NSMAF: variants seen among roughly 807,000 people sequenced by gnomAD.
NSMAF encodes the protein protein FAN.
Under a neutral mutation model 134.9 loss-of-function variants are expected in NSMAF, and 90 were observed. The ratio of observed to expected loss-of-function variants is 0.67; its 90% CI spans 0.56 to 0.79. The LOEUF is 0.79. Among genes scored for constraint, NSMAF ranks in the 30% least tolerant of loss-of-function variants. The pLI, the probability that NSMAF is intolerant of heterozygous loss-of-function variation, is 0.00. For synonymous variants in NSMAF, 358 were observed against 389.6 expected (o/e 0.92, Z 0.96); for missense variants, 1,010 against 1,119.0 (o/e 0.90, Z 1.39).
rs548100428 is a variant in NSMAF at position 58,606,985 on chromosome 8, T to C, written c.759+784A>G. Among the ~76,000 whole-genome samples the C allele has an allele frequency of 5.3e-5, 8 of 152,340 alleles. No individual in the cohort carries two copies. The East Asian group carries it at 1.5e-3, about 29-fold the overall frequency. On this transcript the variant is annotated intron_variant, in intron 11 of 30. Coordinates refer to ENST00000038176, the MANE Select transcript of NSMAF (RefSeq NM_003580.4). Reference sequence around the variant, plus strand: ...AGAGGAGATTTTTAATAGTATCTGTTTCCCTGATCTGCTATTAGTGCTGGA... The same window carrying C: ...AGAGGAGATTTTTAATAGTATCTGTCTCCCTGATCTGCTATTAGTGCTGGA...
chr8:58,587,630 T>C lies in NSMAF; in HGVS notation c.2283A>G (p.Glu761=), dbSNP rs761318513. 1 of 1,614,134 alleles carries C rather than the reference T, an allele frequency of 6.2e-7. No individual in the cohort carries two copies. The highest frequency in any genetic ancestry group is 2.2e-5 in the East Asian group (1 of 44,884). Residue 761 remains glutamate, a synonymous_variant, in exon 27 of 31, where the codon GAA becomes GAG. Transcript: ENST00000038176. The part of the protein sequence containing the change: ...RHHFDLLAEL[E]HDVSVDTISL... ...TGCTGGTACTCACACTGACATCATG[T>C]TCCAGCTCGGCCAGCAAGTCAAAGT...
At chr8:58,625,230 G>T (rs148355171) in intron 6 of NSMAF, among the ~76,000 whole-genome samples, 3 of 152,300 alleles carry the variant, frequency 2.0e-5, no homozygotes, top group African/African-American at 7.2e-5. Context: ...TTCAGACTCA[G>T]ACTAAACGCT....
chr8:58,641,338 C>A (rs941753996), intron 2 of NSMAF, among the ~76,000 whole-genome samples: 2 of 152,180 alleles, frequency 1.3e-5, no homozygotes, highest in African/African-American at 4.8e-5. Flanking sequence ...GGTTCCAAAA[C>A]GAAAGTTACA....
rs965728487 is a variant in NSMAF at position 58,599,318 on chromosome 8, T to C, written c.1499A>G (p.Asn500Ser). The change falls in exon 19 of 31, where the codon AAT becomes AGT. Residue 500 changes from asparagine (N) to serine (S), a missense_variant. Asn to Ser is a conservative substitution (Grantham distance 46, BLOSUM62 1). Coordinates refer to ENST00000038176, the MANE Select transcript of NSMAF (RefSeq NM_003580.4). ...CTCGTGAAGGTGTTCAGACACATAA[T>C]TGCTTTCCAATGCATCTTTGCTCTT... Reference protein sequence around the residue: ...LQKSKDALESNYVSEHLHEWI... With the variant: ...LQKSKDALESSYVSEHLHEWI... The C allele has an allele frequency of 1.9e-6, 3 of 1,613,986 alleles. No individual in the cohort carries two copies. Among genetic ancestry groups the C allele is most frequent in the Non-Finnish European group, 2.5e-6 (3 of 1,179,964 alleles).
intron 9 of NSMAF, among the ~76,000 whole-genome samples, chr8:58,615,897 A>T (rs1322519059): frequency 6.6e-6 from 1 of 152,204 alleles, no homozygotes; most frequent in Non-Finnish European, 1.5e-5. Flanking sequence ...AGATTAATAA[A>T]ATTGGTAAGC....
Position 58,595,562 on chromosome 8 carries a change from T to G in NSMAF, c.1890A>C (p.Lys630Asn). 6.2e-7 allele frequency: 1 copy of G among 1,607,868 alleles called. No homozygotes were observed. Among genetic ancestry groups the G allele is most frequent in the Non-Finnish European group, 8.5e-7 (1 of 1,174,334 alleles). ...AGAAGAAGCAGAGATATTCTTACTCTTTGTGGATTTTATAGTGCTCGTGTA... is the reference window on the plus strand; with the variant it reads ...AGAAGAAGCAGAGATATTCTTACTCGTTGTGGATTTTATAGTGCTCGTGTA... ...LQLHEHYKIH[K>N]EAVTGITVSR... The change falls in exon 22 of 31, where the codon AAA (lysine) becomes AAC (asparagine). Residue 630 changes from lysine (K) to asparagine (N), a missense_variant and splice_region_variant. By Grantham distance (94) the Lys-to-Asn change is moderately conservative (BLOSUM62 0). Transcript: ENST00000038176.
chr8:58,593,149 C>T (rs768747412), intron 23 of NSMAF, among the ~76,000 whole-genome samples: 2 of 152,186 alleles, frequency 1.3e-5, no homozygotes, highest in African/African-American at 4.8e-5. Context: ...TTTTGGCAAA[C>T]TCCACAGGTA....
chr8:58,606,070 G>T (rs1354974113), intron 11 of NSMAF, 35 bp from the exon 12 acceptor site: 2 of 867,480 alleles, frequency 2.3e-6, no homozygotes, highest in East Asian at 3.9e-5. Flanking sequence ...AAAATAAATA[G>T]CATTGTATTC....
At position 58,623,790 on chromosome 8, in the gene NSMAF, A is replaced by AG. The variant is rs200380091; in HGVS notation, c.385-11dup. 1,643 of 1,607,272 alleles carry AG rather than the reference A, an allele frequency of 1.0e-3. 17 individuals are homozygous for AG. In the African/African-American group the frequency reaches 0.02, roughly 19 times the overall value. On this transcript the variant is annotated splice_polypyrimidine_tract_variant and intron_variant, in intron 6 of 30. Transcript: ENST00000038176. Reference sequence around the variant, plus strand: ...CATATTCCATTTTGCCCTAACAAAAAGGGGAAGATATCAAAATACAGGAAG... The same window carrying AG: ...CATATTCCATTTTGCCCTAACAAAAAGGGGGAAGATATCAAAATACAGGAAG...
intron 6 of NSMAF, among the ~76,000 whole-genome samples, chr8:58,630,883 G>A (rs1043759282): frequency 2.0e-5 from 3 of 152,080 alleles, no homozygotes; most frequent in East Asian, 1.9e-4. Flanking sequence ...TAATTCACTC[G>A]GATGTCATTA....
chr8:58,590,673 AAC>A (rs1806000851), intron 24 of NSMAF, among the ~76,000 whole-genome samples, 192 bp downstream of exon 24: 1 of 152,232 alleles, frequency 6.6e-6, no homozygotes, highest in Non-Finnish European at 1.5e-5. Flanking sequence ...ATGAAATCAC[AAC>A]AGTAAGAGAA....
rs1282590554 is a variant in NSMAF at position 58,601,332 on chromosome 8, C to T, written c.1233G>A (p.Leu411=). 1 of 1,613,704 alleles carries T rather than the reference C, an allele frequency of 6.2e-7. No homozygotes were observed. Among genetic ancestry groups the T allele is most frequent in the Non-Finnish European group, 8.5e-7 (1 of 1,179,830 alleles). ...TATCAAATCTTCCATTCTGCAGGCA[C>T]AGCATATACTCTGGTGCTAGAGGGG... ...YLVRIAPEYM[L]CLQNGRFDNA... Residue 411 remains leucine (L), a synonymous_variant, in exon 16 of 31, where the codon CTG becomes CTA. Coordinates refer to ENST00000038176, the MANE Select transcript of NSMAF (RefSeq NM_003580.4).
chr8:58,583,949 A>G lies in NSMAF; in HGVS notation c.*157T>C, dbSNP rs973505679. 3.3e-5 allele frequency: 21 copies of G among 644,812 alleles called. No homozygotes were observed. The highest frequency in any genetic ancestry group is 1.1e-4 in the African/African-American group (6 of 54,638). The allele number at this position is 644,812 out of a possible 1,614,324, so 39.9% of individuals were successfully genotyped here. A position where few individuals can be genotyped will look rare whatever the true frequency, so the allele number is the denominator to read the frequency against. Reference sequence around the variant, plus strand: ...AGAGAATAGCAACTAATGGCTTTCAATGAAGTCACCATGATTTAGAAAGTT... The same window carrying G: ...AGAGAATAGCAACTAATGGCTTTCAGTGAAGTCACCATGATTTAGAAAGTT... On this transcript the variant is annotated 3_prime_UTR_variant, in exon 31 of 31. Coordinates refer to ENST00000038176, the MANE Select transcript of NSMAF (RefSeq NM_003580.4).
intron 9 of NSMAF, among the ~76,000 whole-genome samples, chr8:58,618,482 T>C (rs892833094): frequency 6.6e-6 from 1 of 152,034 alleles, no homozygotes; most frequent in African/African-American, 2.4e-5. Context: ...GATATCCTTC[T>C]AACAAGTACC....
At position 58,594,265 on chromosome 8, in the gene NSMAF, G is replaced by A. The variant is rs751032925; in HGVS notation, c.1918C>T (p.Arg640Cys). The A allele has an allele frequency of 6.2e-6, 10 of 1,613,998 alleles. No individual in the cohort carries two copies. The South Asian group carries it at 6.6e-5, about 11-fold the overall frequency. The change falls in exon 23 of 31, where the codon CGC becomes TGC. Residue 640 changes from arginine to cysteine, a missense_variant. Transcript: ENST00000038176. ...KEAVTGITVS[R>C]NGSSVFTTSQ... is the part of the protein sequence containing the mutation. ...GTTGTGAATACTGAAGATCCATTGC[G>A]AGAGACCGTGATTCCAGTAACTGCT...
intron 5 of NSMAF, among the ~76,000 whole-genome samples, chr8:58,634,803 T>C (rs1227339253): frequency 6.6e-6 from 1 of 152,190 alleles, no homozygotes; most frequent in Non-Finnish European, 1.5e-5. Context: ...GTCATAATGA[T>C]ACAAGACCAC....
intron 30 of NSMAF, among the ~76,000 whole-genome samples, chr8:58,584,600 C>A (rs1395152792): frequency 6.6e-6 from 1 of 152,086 alleles, no homozygotes; most frequent in East Asian, 1.9e-4. Flanking sequence ...GGGGTCAAAT[C>A]ACATTAAAGT....
intron 24 of NSMAF, 25 bp downstream of exon 24, chr8:58,590,842 C>A: frequency 1.3e-6 from 2 of 1,540,972 alleles, no homozygotes; most frequent in South Asian, 1.1e-5. Context: ...GGATTTCTAT[C>A]ATAATACTAT....
chr8:58,600,045 C>A (rs753679327), intron 16 of NSMAF, 24 bp from the exon 17 acceptor site: 3 of 1,578,758 alleles, frequency 1.9e-6, no homozygotes, highest in Non-Finnish European at 2.6e-6. Flanking sequence ...AAAAATTCAC[C>A]TATTTTCAGC....
Sources: gnomAD v4.1 joint callset for allele counts (sites outside exome capture counted in the v4.1 genomes callset) on GRCh38, gnomAD v4.1.1 for gene constraint, MANE v1.5 for transcripts, NCBI Gene and HGNC (gene_info 2026-07-23, HGNC 2026-07-21) for gene names.